Variants in AHNAK2 observed in about 807,000 individuals in gnomAD.
AHNAK2 encodes the protein protein AHNAK2.
Under a neutral mutation model 30.7 loss-of-function variants are expected in AHNAK2, and 18 were observed. The ratio of observed to expected loss-of-function variants is 0.59; its 90% CI spans 0.41 to 0.87. The LOEUF is 0.87. Ranked by LOEUF, AHNAK2 falls within the 40% of genes least tolerant of loss-of-function variation. The pLI, the probability that AHNAK2 is intolerant of heterozygous loss-of-function variation, is 0.00. For missense variants in AHNAK2, 8,604 were observed against 7,373.0 expected (o/e 1.17, Z -6.11); for synonymous variants, 3,590 against 3,073.8 (o/e 1.17, Z -5.56).
rs770288302 is a variant in AHNAK2 at position 104,949,363 on chromosome 14, C to A, written c.6088G>T (p.Asp2030Tyr). Residue 2030 changes from aspartate to tyrosine, a missense_variant, in exon 7 of 7, where the codon GAC becomes TAC. Asp to Tyr is a radical substitution (Grantham distance 160, BLOSUM62 -3). Transcript: ENST00000333244. Reference sequence around the variant, plus strand: ...ATGCTGAGGTCAGTGGTCTTCAGGTCCCCCTGCATGGAGGGGAGACTCACG... The same window carrying A: ...ATGCTGAGGTCAGTGGTCTTCAGGTACCCCTGCATGGAGGGGAGACTCACG... ...ADVSLPSMQG[D>Y]LKTTDLSIQP... 1.9e-6 allele frequency: 3 copies of A among 1,575,426 alleles called. No homozygotes were observed. Among genetic ancestry groups the A allele is most frequent in the African/African-American group, 2.7e-5 (2 of 72,920 alleles).
At chr14:104,962,574 C>T (rs942661348) in intron 1 of AHNAK2, among the ~76,000 whole-genome samples, 4 of 152,076 alleles carry the variant, frequency 2.6e-5, no homozygotes, top group African/African-American at 9.7e-5. Context: ...TACAGGCATG[C>T]GCCATCATGC....
chr14:104,943,577 G>A lies in AHNAK2; in HGVS notation c.11874C>T (p.Asp3958=). 1 of 1,613,004 alleles carries A rather than the reference G, an allele frequency of 6.2e-7. No homozygotes were observed. The highest frequency in any genetic ancestry group is 8.5e-7 in the Non-Finnish European group (1 of 1,179,590). Residue 3958 remains aspartate (D), a synonymous_variant, in exon 7 of 7, where the codon GAC becomes GAT. Coordinates refer to ENST00000333244, the MANE Select transcript of AHNAK2 (RefSeq NM_138420.4). ...TGCTGTCTTTGGCCGTCATGTCCTT[G>A]TCGGCCAGGGACAGGTCCCCCTCCA... ...ARLEGDLSLA[D]KDMTAKDSKF...
At position 104,952,888 on chromosome 14, in the gene AHNAK2, A is replaced by T. The variant is rs754212479; in HGVS notation, c.2563T>A (p.Ser855Thr). ...ACCTTCGGCGCAGACACATCCACCG[A>T]GTCCTCCATGGACTTGCCTGGGGCC... ...VSAPGKSMEDSVDVSAPKVEA... is the reference protein window; with the variant it reads ...VSAPGKSMEDTVDVSAPKVEA... The change falls in exon 7 of 7, where the codon TCG (serine) becomes ACG (threonine). Residue 855 changes from serine (S) to threonine (T), a missense_variant. Coordinates refer to ENST00000333244, the MANE Select transcript of AHNAK2 (RefSeq NM_138420.4). 1.2e-6 allele frequency: 2 copies of T among 1,611,816 alleles called. No homozygotes were observed. The highest frequency in any genetic ancestry group is 8.5e-7 in the Non-Finnish European group (1 of 1,179,400).
chr14:104,957,789 A>G (rs1899024515), intron 1 of AHNAK2, 117 bp from the exon 2 acceptor site: 2 of 1,089,730 alleles, frequency 1.8e-6, no homozygotes, highest in Non-Finnish European at 2.7e-6. Flanking sequence ...TTTCCTGGAC[A>G]CTGGATCGGA....
intron 1 of AHNAK2, among the ~76,000 whole-genome samples, chr14:104,969,874 C>A (rs555644850): frequency 1.3e-5 from 2 of 152,200 alleles, no homozygotes; most frequent in South Asian, 4.1e-4. Flanking sequence ...GGCAGTGTGA[C>A]CCTGTGATGG....
Position 104,952,249 on chromosome 14 carries a change from C to A in AHNAK2, c.3202G>T (p.Glu1068Ter). 1.9e-6 allele frequency: 3 copies of A among 1,612,622 alleles called. No individual in the cohort carries two copies. The highest frequency in any genetic ancestry group is 2.5e-6 in the Non-Finnish European group (3 of 1,179,636). Residue 1068 changes from glutamate to a stop codon, truncating the protein, a stop_gained, in exon 7 of 7, where the codon GAG (glutamate) becomes TAG (stop). Transcript: ENST00000333244. LOFTEE classifies it low-confidence loss of function (END_TRUNC). Reference sequence around the variant, plus strand: ...CCAGCTCCCTCGGGCAGGTGGCCCTCCGGGAGCTTCACATCCACCTGGTCA... The same window carrying A: ...CCAGCTCCCTCGGGCAGGTGGCCCTACGGGAGCTTCACATCCACCTGGTCA... ...QADQVDVKLP[E>*]GHLPEGAGLK...
chr14:104,938,577 G>T lies in AHNAK2; in HGVS notation c.16874C>A (p.Pro5625Gln). 6.2e-7 allele frequency: 1 copy of T among 1,613,278 alleles called. No individual in the cohort carries two copies. Among genetic ancestry groups the T allele is most frequent in the East Asian group, 2.2e-5 (1 of 44,884 alleles). Residue 5625 changes from proline to glutamine, a missense_variant, in exon 7 of 7, where the codon CCA (proline) becomes CAA (glutamine). Coordinates refer to ENST00000333244, the MANE Select transcript of AHNAK2 (RefSeq NM_138420.4). ...PPDDSQEATT[P>Q]LADEGRAPKD... is the part of the protein sequence containing the mutation. ...TGGAGCCCTGCCTTCATCTGCCAGT[G>T]GTGTGGTTGCCTCTTGGCTATCATC...
rs201319969 is a variant in AHNAK2 at position 104,941,899 on chromosome 14, C to T, written c.13552G>A (p.Ala4518Thr). Residue 4518 changes from alanine to threonine, a missense_variant, in exon 7 of 7, where the codon GCC becomes ACC. Ala to Thr is a moderately conservative substitution (Grantham distance 58). Transcript: ENST00000333244. ...TTDLRIQAPS[A>T]DLEVQAGQVD... is the part of the protein sequence containing the mutation. ...TGGCCAGCCTGGACCTCCAGGTCGG[C>T]GGAAGGGGCCTGAATGCGGAGGTCA... 82 of 1,613,446 alleles carry T rather than the reference C, an allele frequency of 5.1e-5. No homozygotes were observed. The highest frequency in any genetic ancestry group is 3.3e-4 in the Middle Eastern group (2 of 6,078).
At chr14:104,977,767 G>A (rs905334358) in intron 1 of AHNAK2, among the ~76,000 whole-genome samples, 1 of 152,188 alleles carries the variant, frequency 6.6e-6, no homozygotes, top group African/African-American at 2.4e-5. Flanking sequence ...GCCCCTTGCA[G>A]ACACCAGCCC....
chr14:104,967,310 C>T (rs542727942), intron 1 of AHNAK2, among the ~76,000 whole-genome samples: 83 of 152,128 alleles, frequency 5.5e-4, no homozygotes, highest in Non-Finnish European at 4.4e-4. Flanking sequence ...GGCAACTCCT[C>T]GGAGAAGGGA....
At chr14:104,963,627 G>A (rs879525399) in intron 1 of AHNAK2, among the ~76,000 whole-genome samples, 1 of 152,046 alleles carries the variant, frequency 6.6e-6, no homozygotes, top group African/African-American at 2.4e-5. Flanking sequence ...TCAGGAGATC[G>A]AGACCATCCT....
In AHNAK2 at chr14:104,938,086, C is replaced by A; in HGVS notation, c.17365G>T (p.Gly5789Cys). 1 of 1,613,834 alleles carries A rather than the reference C, an allele frequency of 6.2e-7. No individual in the cohort carries two copies. Among genetic ancestry groups the A allele is most frequent in the Non-Finnish European group, 8.5e-7 (1 of 1,179,804 alleles). Residue 5789 changes from glycine (G) to cysteine (C), a missense_variant, in exon 7 of 7, where the codon GGC becomes TGC. Coordinates refer to ENST00000333244, the MANE Select transcript of AHNAK2 (RefSeq NM_138420.4). ...TCTCAGCCTTCATTTGGTCCCAGGC[C>A]TGACCCTTTGCTTTCATCGTCAGCT... is the stretch of plus-strand genomic sequence containing the variant. ...RKADDESKGS[G>C]LGPNEG is the part of the protein sequence containing the mutation.
chr14:104,947,665 T>G lies in AHNAK2; in HGVS notation c.7786A>C (p.Lys2596Gln). 6.2e-7 allele frequency: 1 copy of G among 1,613,030 alleles called. No homozygotes were observed. Among genetic ancestry groups the G allele is most frequent in the Non-Finnish European group, 8.5e-7 (1 of 1,179,632 alleles). Reference sequence around the variant, plus strand: ...GCTGTCACTTCCGCCTTGGGGCCTTTCAGGTCCAGCTTGGGGCCCTTGACA... The same window carrying G: ...GCTGTCACTTCCGCCTTGGGGCCTTGCAGGTCCAGCTTGGGGCCCTTGACA... The part of the protein sequence containing the change: ...LDVKGPKLDL[K>Q]GPKAEVTAPD... Residue 2596 changes from lysine (K) to glutamine (Q), a missense_variant, in exon 7 of 7, where the codon AAA becomes CAA. Transcript: ENST00000333244.
Position 104,944,665 on chromosome 14 carries a change from C to G in AHNAK2, c.10786G>C (p.Asp3596His). 2 of 1,613,102 alleles carry G rather than the reference C, an allele frequency of 1.2e-6. No individual in the cohort carries two copies. Among genetic ancestry groups the G allele is most frequent in the Middle Eastern group, 1.7e-4 (1 of 6,058 alleles). ...ACGCTGGGCAGAGACACCTCGACAT[C>G]GGGGACTCTCACTTCTGCCTTGGGG... ...KGPKAEVRVPDVEVSLPSVEV... is the reference protein window; with the variant it reads ...KGPKAEVRVPHVEVSLPSVEV... The change falls in exon 7 of 7, where the codon GAT (aspartate) becomes CAT (histidine). Residue 3596 changes from aspartate (D) to histidine (H), a missense_variant. Asp to His is a moderately conservative substitution (Grantham distance 81). Coordinates refer to ENST00000333244, the MANE Select transcript of AHNAK2 (RefSeq NM_138420.4).
rs756188817 is a variant in AHNAK2 at position 104,945,730 on chromosome 14, G to A, written c.9721C>T (p.Arg3241Cys). 3.9e-5 allele frequency: 62 copies of A among 1,598,928 alleles called. 1 individual carries two copies. The Middle Eastern group carries it at 5.1e-4, about 13-fold the overall frequency. The change falls in exon 7 of 7, where the codon CGC (arginine) becomes TGC (cysteine). Residue 3241 changes from arginine to cysteine, a missense_variant. Arg to Cys is a radical substitution (Grantham distance 180). Transcript: ENST00000333244. ...TTGATGTCTATCTGGGGGCCCTTGC[G>A]ATCTACTTTGGGCATCTTGAAACTG... ...MPSFKMPKVD[R>C]KGPQIDIKGP...
rs1372237617 is a variant in AHNAK2, at chr14:104,940,498, T to C, written c.14953A>G (p.Lys4985Glu). The C allele has an allele frequency of 5.6e-6, 9 of 1,613,692 alleles. No homozygotes were observed. The highest frequency in any genetic ancestry group is 7.6e-6 in the Non-Finnish European group (9 of 1,179,894). The change falls in exon 7 of 7, where the codon AAA becomes GAA. Residue 4985 changes from lysine to glutamate, a missense_variant. Transcript: ENST00000333244. The surrounding 1 kb of genome is among the most constrained non-coding windows in gnomAD (Gnocchi z 4.4). ...VDPECSVEDS[K>E]LSLVLDKDEV... Reference sequence around the variant, plus strand: ...TCCTTGTCTAAAACCAGGCTGAGTTTTGAGTCCTCCACGCTGCATTCTGGG... The same window carrying C: ...TCCTTGTCTAAAACCAGGCTGAGTTCTGAGTCCTCCACGCTGCATTCTGGG...
At position 104,946,811 on chromosome 14, in the gene AHNAK2, T is replaced by A; in HGVS notation, c.8640A>T (p.Lys2880Asn). 1 of 1,607,584 alleles carries A rather than the reference T, an allele frequency of 6.2e-7. No individual in the cohort carries two copies. Among genetic ancestry groups the A allele is most frequent in the Non-Finnish European group, 8.5e-7 (1 of 1,177,448 alleles). The change falls in exon 7 of 7, where the codon AAA becomes AAT. Residue 2880 changes from lysine to asparagine, a missense_variant. Coordinates refer to ENST00000333244, the MANE Select transcript of AHNAK2 (RefSeq NM_138420.4). ...LEVQAGQVDVKLPEGHVPEGA... is the reference protein window; with the variant it reads ...LEVQAGQVDVNLPEGHVPEGA... ...CCTCGGGAACGTGGCCCTCTGGGAGTTTCACGTCCACCTGGCCAGCCTGGA... is the reference window on the plus strand; with the variant it reads ...CCTCGGGAACGTGGCCCTCTGGGAGATTCACGTCCACCTGGCCAGCCTGGA...
chr14:104,956,733 G>T, intron 3 of AHNAK2, 44 bp from the exon 4 acceptor site: 1 of 1,586,506 alleles, frequency 6.3e-7, no homozygotes, highest in South Asian at 1.1e-5. Context: ...CCCCAGCTCA[G>T]GGACAGGGAG....
intron 1 of AHNAK2, among the ~76,000 whole-genome samples, chr14:104,968,746 G>A (rs1396980392): frequency 3.9e-5 from 6 of 152,190 alleles, no homozygotes; most frequent in African/African-American, 1.4e-4. Context: ...TGGGTGGGAG[G>A]AACGAATGGC....
Sources: allele counts gnomAD v4.1 joint callset (sites outside exome capture counted in the v4.1 genomes callset), GRCh38; gene constraint gnomAD v4.1.1; non-coding constraint Gnocchi (gnomAD v3.1); transcripts MANE v1.5; gene names NCBI Gene and HGNC (gene_info 2026-07-23, HGNC 2026-07-21).